ZNF804A: variants seen among roughly 807,000 people sequenced by gnomAD.
ZNF804A encodes zinc finger protein 804A.
ZNF804A carries 2 observed loss-of-function variants against 16.5 expected under a neutral mutation model. The ratio of observed to expected loss-of-function variants is 0.12; its 90% CI spans 0.05 to 0.38. The LOEUF (loss-of-function observed/expected upper bound fraction) is 0.38. Ranked by LOEUF, ZNF804A falls within the 10% of genes least tolerant of loss-of-function variation. ZNF804A has a pLI of 0.99. For missense variants in ZNF804A, 1,473 were observed against 1,390.7 expected (o/e 1.06, Z -0.94); for synonymous variants, 534 against 489.6 (o/e 1.09, Z -1.20).
intron 1 of ZNF804A, among the ~76,000 whole-genome samples, chr2:184,665,202 G>C (rs1017472173): frequency 2.6e-5 from 4 of 152,082 alleles, no homozygotes; most frequent in Non-Finnish European, 5.9e-5. Flanking sequence ...CTTTTTAAAA[G>C]GTAGTACTAG....
intron 1 of ZNF804A, among the ~76,000 whole-genome samples, chr2:184,623,513 A>G (rs534772552): frequency 6.6e-6 from 1 of 152,272 alleles, no homozygotes; most frequent in South Asian, 2.1e-4. Context: ...TATTTTTACT[A>G]TGTTAATGGT....
In ZNF804A at chr2:184,689,386, T is replaced by A. The variant is rs558031756; in HGVS notation, c.111+90316T>A. On this transcript the variant is annotated intron_variant, in intron 1 of 3. Transcript: ENST00000302277. ...GTCTAGTGTTCAAATTTTTGACTTA[T>A]CCTTTAATGGTTATGTAACCATTGG... Among the ~76,000 whole-genome samples, 5 of 152,260 alleles carry A rather than the reference T, an allele frequency of 3.3e-5. No homozygotes were observed. The South Asian group carries it at 1.0e-3, about 32-fold the overall frequency.
chr2:184,807,544 T>A (rs1411832319), intron 1 of ZNF804A, among the ~76,000 whole-genome samples: 1 of 151,790 alleles, frequency 6.6e-6, no homozygotes, highest in Non-Finnish European at 1.5e-5. Context: ...GTCTTCAAAA[T>A]CAGGAATAAA....
chr2:184,606,090 C>A (rs899653009), intron 1 of ZNF804A, among the ~76,000 whole-genome samples: 1 of 152,270 alleles, frequency 6.6e-6, no homozygotes, highest in African/African-American at 2.4e-5. Context: ...AACAGTTTTT[C>A]TTAAATAGTA....
chr2:184,878,411 C>G (rs939070290), intron 2 of ZNF804A, among the ~76,000 whole-genome samples: 1 of 151,882 alleles, frequency 6.6e-6, no homozygotes, highest in Non-Finnish European at 1.5e-5. Flanking sequence ...TACTAGCTTC[C>G]GACTTCAATA....
At chr2:184,851,946 C>T (rs1695609955) in intron 1 of ZNF804A, among the ~76,000 whole-genome samples, 1 of 151,750 alleles carries the variant, frequency 6.6e-6, no homozygotes, top group Non-Finnish European at 1.5e-5. Flanking sequence ...TGATACTGAG[C>T]ATTTTGTTTC....
chr2:184,639,739 A>G (rs1691761611), intron 1 of ZNF804A, among the ~76,000 whole-genome samples: 1 of 152,186 alleles, frequency 6.6e-6, no homozygotes, highest in South Asian at 2.1e-4. Flanking sequence ...GCGGTGGCTC[A>G]AGCCTGTAAT....
At chr2:184,830,621 C>T (rs1016578933) in intron 1 of ZNF804A, among the ~76,000 whole-genome samples, 1 of 152,088 alleles carries the variant, frequency 6.6e-6, no homozygotes, top group Non-Finnish European at 1.5e-5. Context: ...AGTAAGCAGA[C>T]AAGTAACTCT....
chr2:184,756,885 A>G (rs1283073639), intron 1 of ZNF804A, among the ~76,000 whole-genome samples: 2 of 152,096 alleles, frequency 1.3e-5, no homozygotes, highest in East Asian at 3.9e-4. Context: ...TGAACACACC[A>G]GAGACAACTG....
intron 1 of ZNF804A, among the ~76,000 whole-genome samples, chr2:184,662,584 A>C (rs528839815): frequency 1.2e-4 from 19 of 152,204 alleles, no homozygotes; most frequent in Non-Finnish European, 2.5e-4. Flanking sequence ...ATTCAGGAAA[A>C]TATTAGAAAT....
intron 1 of ZNF804A, among the ~76,000 whole-genome samples, chr2:184,711,368 A>G (rs899803267): frequency 1.3e-5 from 2 of 151,506 alleles, no homozygotes; most frequent in Non-Finnish European, 3.0e-5. Context: ...CTTTTTTGTT[A>G]TCAAGTTGTA....
intron 1 of ZNF804A, among the ~76,000 whole-genome samples, chr2:184,599,450 C>T (rs1037625356): frequency 1.3e-5 from 2 of 152,196 alleles, no homozygotes; most frequent in Non-Finnish European, 2.9e-5. Flanking sequence ...GAGGATGTGG[C>T]TGTCTCTGAT....
chr2:184,737,899 T>A (rs1693654607), intron 1 of ZNF804A, among the ~76,000 whole-genome samples: 1 of 152,050 alleles, frequency 6.6e-6, no homozygotes, highest in Non-Finnish European at 1.5e-5. Context: ...CGAGGCAGGC[T>A]GATCACCTGA....
At chr2:184,919,939 A>C (rs1353009696) in intron 2 of ZNF804A, among the ~76,000 whole-genome samples, 1 of 152,076 alleles carries the variant, frequency 6.6e-6, no homozygotes, top group African/African-American at 2.4e-5. Context: ...AACATGGTGA[A>C]ATCCATCTCT....
chr2:184,760,170 C>A (rs1295488672), intron 1 of ZNF804A, among the ~76,000 whole-genome samples: 1 of 152,082 alleles, frequency 6.6e-6, no homozygotes, highest in African/African-American at 2.4e-5. Flanking sequence ...CGTATACATG[C>A]ATGTCACAGG....
intron 1 of ZNF804A, among the ~76,000 whole-genome samples, chr2:184,651,608 A>G (rs1261531451): frequency 1.3e-5 from 2 of 152,114 alleles, no homozygotes; most frequent in Non-Finnish European, 2.9e-5. Context: ...AGAAACAAAC[A>G]ACTTTATTTA....
At chr2:184,717,676 T>C (rs1202968058) in intron 1 of ZNF804A, among the ~76,000 whole-genome samples, 1 of 152,214 alleles carries the variant, frequency 6.6e-6, no homozygotes, top group African/African-American at 2.4e-5. Context: ...ATATGTATTT[T>C]ATTTTATTTT....
chr2:184,867,567 T>A (rs1037640217), intron 2 of ZNF804A, among the ~76,000 whole-genome samples: 4 of 151,932 alleles, frequency 2.6e-5, no homozygotes, highest in African/African-American at 2.4e-5. Flanking sequence ...AATTACATAC[T>A]TCACCGATTA....
intron 1 of ZNF804A, among the ~76,000 whole-genome samples, chr2:184,607,867 C>T (rs1481675910): frequency 6.7e-6 from 1 of 150,092 alleles, no homozygotes; most frequent in Non-Finnish European, 1.5e-5. Flanking sequence ...TCTAGTTGAA[C>T]CAAGTTGGGA....
Sources: gnomAD v4.1 joint callset for allele counts (sites outside exome capture counted in the v4.1 genomes callset) on GRCh38, gnomAD v4.1.1 for gene constraint, MANE v1.5 for transcripts, NCBI Gene and HGNC (gene_info 2026-07-23, HGNC 2026-07-21) for gene names.